The following TNKS2 variants were observed in gnomAD, a reference collection of about 807,000 sequenced individuals.
TNKS2 encodes the protein poly [ADP-ribose] polymerase tankyrase-2.
Under a neutral mutation model 137.6 loss-of-function variants are expected in TNKS2, and 72 were observed. That is an observed-to-expected ratio of 0.52 (90% CI 0.43 to 0.64). The LOEUF is 0.64. Among genes scored for constraint, TNKS2 ranks in the 30% least tolerant of loss-of-function variants. TNKS2 has a pLI of 0.00. For missense variants in TNKS2, 1,049 were observed against 1,410.2 expected, an observed-to-expected ratio of 0.74 and a Z score of 4.10; for synonymous variants, 516 against 512.1, an observed-to-expected ratio of 1.01 and a Z score of -0.10.
At chr10:91,843,685 C>T (rs1336976512) in intron 16 of TNKS2, among the ~76,000 whole-genome samples, 1 of 152,144 alleles carries the variant, frequency 6.6e-6, no homozygotes, top group Non-Finnish European at 1.5e-5. Context: ...ATAGCTAATA[C>T]CTCAGTGGAG....
chr10:91,852,018 GGA>G (rs1323448354), intron 21 of TNKS2, among the ~76,000 whole-genome samples: 1 of 152,128 alleles, frequency 6.6e-6, no homozygotes, highest in African/African-American at 2.4e-5. Context: ...CACGAGGTCA[GGA>G]GATCCAGACC....
At position 91,845,809 on chromosome 10, in the gene TNKS2, A is replaced by C; in HGVS notation, c.2227A>C (p.Lys743Gln). 1 of 1,606,658 alleles carries C rather than the reference A, an allele frequency of 6.2e-7. No homozygotes were observed. The highest frequency in any genetic ancestry group is 8.5e-7 in the Non-Finnish European group (1 of 1,174,398). Residue 743 changes from lysine to glutamine, a missense_variant, in exon 18 of 27, where the codon AAA becomes CAA. By Grantham distance (53) the Lys-to-Gln change is moderately conservative. Coordinates refer to ENST00000371627, the MANE Select transcript of TNKS2 (RefSeq NM_025235.4). ...TAATGCATGTGTCAATGCCACGGAC[A>C]AATGGGCTTTCACACCTTTGCACGA... ...KYNACVNATD[K>Q]WAFTPLHEAA...
rs960281965 is a variant in TNKS2, at chr10:91,863,986, A to G, written c.*987A>G. 1.4e-5 allele frequency: 2 copies of G among 147,266 alleles called. No homozygotes were observed. Among genetic ancestry groups the G allele is most frequent in the African/African-American group, 2.5e-5 (1 of 39,648 alleles). 9.1% of individuals were successfully genotyped at this position (147,266 alleles called of 1,614,324 possible). A position where few individuals can be genotyped will look rare whatever the true frequency, so the allele number is the denominator to read the frequency against. On this transcript the variant is annotated 3_prime_UTR_variant, in exon 27 of 27. Coordinates refer to ENST00000371627, the MANE Select transcript of TNKS2 (RefSeq NM_025235.4). ...TCTAATTACCTTAAATCTAAAGGGG[A>G]AAAAAAAAATCACAAACAGGACTGG...
intron 2 of TNKS2, among the ~76,000 whole-genome samples, chr10:91,815,983 C>G (rs542773629): frequency 2.1e-5 from 3 of 139,776 alleles, no homozygotes; most frequent in African/African-American, 8.3e-5. Context: ...GAGTCTTGCA[C>G]TGTCGCCTAG....
At chr10:91,819,653 A>G (rs1844822397) in intron 5 of TNKS2, 96 bp downstream of exon 5, 2 of 989,712 alleles carry the variant, frequency 2.0e-6, no homozygotes, top group East Asian at 5.1e-5. Flanking sequence ...ATTTGAAGAG[A>G]GTGCTGATGT....
intron 24 of TNKS2, 40 bp downstream of exon 24, chr10:91,857,570 A>G (rs773749930): frequency 1.5e-6 from 2 of 1,349,340 alleles, no homozygotes; most frequent in Non-Finnish European, 2.1e-6. Context: ...TGTCTTCCAC[A>G]TTAGGATAGT....
chr10:91,832,787 G>A (rs528774541), intron 11 of TNKS2, among the ~76,000 whole-genome samples: 233 of 152,076 alleles, frequency 1.5e-3, no homozygotes, highest in Middle Eastern at 6.8e-3. Flanking sequence ...TAACGTTGGT[G>A]GAGTCTTACA....
chr10:91,807,154 C>T lies in TNKS2; in HGVS notation c.200-5829C>T, dbSNP rs570754149. ...AAAAGATATTTACTTCCTAAGTACA[C>T]GACAAAGTCTTCATTTCAAACCATT... On this transcript the variant is annotated intron_variant, in intron 1 of 26. Transcript: ENST00000371627. The T allele has an allele frequency of 3.2e-5, 50 of 1,570,700 alleles. No individual in the cohort carries two copies. The Middle Eastern group carries it at 6.9e-4, about 22-fold the overall frequency.
intron 8 of TNKS2, 62 bp from the exon 9 acceptor site, chr10:91,828,223 C>A: frequency 7.3e-7 from 1 of 1,378,634 alleles, no homozygotes; most frequent in South Asian, 1.7e-5. Context: ...TACTAGATGT[C>A]TTTTAGATAA....
intron 25 of TNKS2, among the ~76,000 whole-genome samples, chr10:91,861,597 T>C (rs932097128): frequency 1.3e-5 from 2 of 152,300 alleles, no homozygotes; most frequent in East Asian, 1.9e-4. Context: ...TAAATGGATT[T>C]CAAATATATT....
At chr10:91,810,920 C>CTTTTTTTTTTAT (rs1844479870) in intron 1 of TNKS2, among the ~76,000 whole-genome samples, 1 of 50,124 alleles carries the variant, frequency 2.0e-5, no homozygotes, top group Non-Finnish European at 3.2e-5. Flanking sequence ...CTTTTCTTTT[C>CTTTTTTTTTTAT]TTTTTTTTTT....
intron 12 of TNKS2, among the ~76,000 whole-genome samples, chr10:91,835,019 T>C (rs1265470465): frequency 6.6e-6 from 1 of 152,202 alleles, no homozygotes; most frequent in Non-Finnish European, 1.5e-5. Flanking sequence ...GTATTTAGCA[T>C]TTTACAGTCA....
rs761254648 is a variant in TNKS2, at chr10:91,849,494, G to A, written c.2612-18G>A. On this transcript the variant is annotated intron_variant, in intron 19 of 26. Transcript: ENST00000371627. ...CTGATGTGAAATTCCATTTGTTTTG[G>A]ATTTTTTTATTTCCCAGTTCCAGGA... The A allele has an allele frequency of 6.2e-7, 1 of 1,600,640 alleles. No individual in the cohort carries two copies.
At chr10:91,850,725 TAAAA>T (rs776576947) in intron 20 of TNKS2, among the ~76,000 whole-genome samples, 1 of 151,886 alleles carries the variant, frequency 6.6e-6, no homozygotes, top group Non-Finnish European at 1.5e-5. Flanking sequence ...GTCTCAAAAA[TAAAA>T]AAACAGAAAT....
chr10:91,813,805 G>A (rs964703510), intron 2 of TNKS2, among the ~76,000 whole-genome samples: 10 of 152,140 alleles, frequency 6.6e-5, no homozygotes, highest in African/African-American at 2.4e-4. Context: ...TGATAATGGA[G>A]CTGAAAAATT....
intron 2 of TNKS2, among the ~76,000 whole-genome samples, chr10:91,816,351 A>G (rs1844698193): frequency 1.3e-5 from 2 of 152,186 alleles, no homozygotes; most frequent in South Asian, 2.1e-4. Flanking sequence ...AATTCCGTGT[A>G]ATTAACCTGA....
intron 9 of TNKS2, among the ~76,000 whole-genome samples, chr10:91,830,558 G>T (rs1328767303): frequency 2.6e-5 from 4 of 152,160 alleles, no homozygotes; most frequent in African/African-American, 7.2e-5. Context: ...CTCAACCTTT[G>T]CAAGGGTGTT....
At chr10:91,838,449 G>A (rs898718414) in intron 13 of TNKS2, among the ~76,000 whole-genome samples, 6 of 152,142 alleles carry the variant, frequency 3.9e-5, no homozygotes, top group African/African-American at 1.4e-4. Context: ...TAACTATTGT[G>A]CTCAGTTGTG....
rs1178106746 is a variant in TNKS2 at position 91,831,196 on chromosome 10, T to C, written c.1275+15T>C. 1 of 1,597,916 alleles carries C rather than the reference T, an allele frequency of 6.3e-7. No homozygotes were observed. Among genetic ancestry groups the C allele is most frequent in the African/African-American group, 1.3e-5 (1 of 74,562 alleles). ...ATGAAGCAAAGGTATACTTCCTTTT[T>C]GGTAATCTTTGGTAATCCAATGAGT... is the stretch of plus-strand genomic sequence containing the variant. On this transcript the variant is annotated intron_variant, in intron 11 of 26. Coordinates refer to ENST00000371627, the MANE Select transcript of TNKS2 (RefSeq NM_025235.4).
Sources: gnomAD v4.1 joint callset for allele counts (sites outside exome capture counted in the v4.1 genomes callset) on GRCh38, gnomAD v4.1.1 for gene constraint, MANE v1.5 for transcripts, NCBI Gene and HGNC (gene_info 2026-07-23, HGNC 2026-07-21) for gene names.